PACRG: variants seen among roughly 807,000 people sequenced by gnomAD.
PACRG encodes the protein parkin coregulated.
A neutral mutation model predicts 29.7 loss-of-function variants in PACRG; 29 were observed. That is an observed-to-expected ratio of 0.98 (90% confidence interval 0.73 to 1.33). The LOEUF is 1.33. Ranked by LOEUF, PACRG falls within the 40% of genes most tolerant of loss-of-function variation. The probability of loss-of-function intolerance (pLI) is 0.00; values close to 1 mark genes in which losing one functional copy is unlikely to be tolerated. For missense variants in PACRG, 279 were observed against 316.2 expected, an observed-to-expected ratio of 0.88 and a Z score of 0.89; for synonymous variants, 116 against 118.7, an observed-to-expected ratio of 0.98 and a Z score of 0.15.
At chr6:162,864,354 A>G (rs1256187629) in intron 2 of PACRG, among the ~76,000 whole-genome samples, 2 of 152,172 alleles carry the variant, frequency 1.3e-5, no homozygotes, top group Non-Finnish European at 2.9e-5. Flanking sequence ...TAACTCTAGG[A>G]TAAACAAATA....
At chr6:162,967,509 CTTT>C (rs796970466) in intron 2 of PACRG, among the ~76,000 whole-genome samples, 1 of 143,070 alleles carries the variant, frequency 7.0e-6, no homozygotes. Flanking sequence ...TGAACTTTCT[CTTT>C]TTTTTTTTTT....
At chr6:163,048,860 A>G (rs1809686901) in intron 2 of PACRG, among the ~76,000 whole-genome samples, 1 of 152,164 alleles carries the variant, frequency 6.6e-6, no homozygotes, top group African/African-American at 2.4e-5. Context: ...CATGTATGAC[A>G]TAGACATAGA....
intron 4 of PACRG, among the ~76,000 whole-genome samples, chr6:163,195,388 G>T (rs1340500759): frequency 6.6e-6 from 1 of 152,118 alleles, no homozygotes; most frequent in Non-Finnish European, 1.5e-5. Context: ...ACACTTCCAA[G>T]ACTATCTCCT....
chr6:162,968,833 G>A (rs1801270549), intron 2 of PACRG, among the ~76,000 whole-genome samples: 1 of 152,066 alleles, frequency 6.6e-6, no homozygotes, highest in Non-Finnish European at 1.5e-5. Context: ...TGGATCACAA[G>A]GTCAGGAGTA....
At chr6:163,009,713 C>T (rs544482881) in intron 2 of PACRG, among the ~76,000 whole-genome samples, 16 of 152,218 alleles carry the variant, frequency 1.1e-4, no homozygotes, top group South Asian at 1.0e-3. Context: ...CATATTCTAT[C>T]GGTGATTAAC....
chr6:163,096,742 G>C (rs752150281), intron 4 of PACRG, among the ~76,000 whole-genome samples: 1 of 152,162 alleles, frequency 6.6e-6, no homozygotes, highest in Non-Finnish European at 1.5e-5. Flanking sequence ...AGCGTGTTAG[G>C]TAAATGTCTC....
At chr6:163,172,033 T>C (rs1193309325) in intron 4 of PACRG, among the ~76,000 whole-genome samples, 1 of 152,246 alleles carries the variant, frequency 6.6e-6, no homozygotes, top group Non-Finnish European at 1.5e-5. Flanking sequence ...ACCTGGGGTC[T>C]GGCCCCGTAA....
chr6:163,085,109 C>A (rs1285214796), intron 3 of PACRG, among the ~76,000 whole-genome samples: 1 of 152,032 alleles, frequency 6.6e-6, no homozygotes, highest in Non-Finnish European at 1.5e-5. Context: ...ATAGGCTCTC[C>A]TACTTATGAC....
At chr6:162,975,045 A>G (rs1379981842) in intron 2 of PACRG, among the ~76,000 whole-genome samples, 1 of 152,162 alleles carries the variant, frequency 6.6e-6, no homozygotes, top group Non-Finnish European at 1.5e-5. Context: ...TATGGAAAAT[A>G]TGTGAATGTG....
intron 2 of PACRG, among the ~76,000 whole-genome samples, chr6:163,033,119 C>T (rs1807824106): frequency 6.6e-6 from 1 of 152,166 alleles, no homozygotes; most frequent in South Asian, 2.1e-4. Context: ...TAATCTTTTA[C>T]CAAAAACACA....
At chr6:162,876,327 C>T (rs1029134528) in intron 2 of PACRG, among the ~76,000 whole-genome samples, 12 of 152,216 alleles carry the variant, frequency 7.9e-5, no homozygotes, top group Non-Finnish European at 1.6e-4. Context: ...TTCCTGCTGT[C>T]CTCTAATAAT....
chr6:162,864,975 G>A lies in PACRG; in HGVS notation c.291+50694G>A, dbSNP rs567580476. On this transcript the variant is annotated intron_variant, in intron 2 of 4. Coordinates refer to ENST00000366888, the MANE Select transcript of PACRG (RefSeq NM_001080379.2). ...AAAGAATCCAGTAGAAATGCCTTTA[G>A]ACTTACATAGTGATTGTTAGGAGAA... 9.9e-5 allele frequency among the ~76,000 whole-genome samples: 15 copies of A among 152,266 alleles called. 1 individual carries two copies. In the South Asian group the frequency reaches 2.5e-3, roughly 25 times the overall value.
At chr6:163,278,603 C>T (rs545736962) in intron 4 of PACRG, among the ~76,000 whole-genome samples, 2 of 152,134 alleles carry the variant, frequency 1.3e-5, no homozygotes, top group South Asian at 2.1e-4. Context: ...CCTTTCCCCA[C>T]TTTAAGTTTT....
intron 4 of PACRG, among the ~76,000 whole-genome samples, chr6:163,270,837 C>T (rs1223538766): frequency 6.6e-6 from 1 of 152,196 alleles, no homozygotes; most frequent in African/African-American, 2.4e-5. Context: ...GATTTCCCTA[C>T]ATCTTCTCCA....
At position 163,078,366 on chromosome 6, in the gene PACRG, G is replaced by A. The variant is rs535153395; in HGVS notation, c.464-10893G>A. Among the ~76,000 whole-genome samples the A allele has an allele frequency of 2.6e-5, 4 of 152,244 alleles. No individual in the cohort carries two copies. In the South Asian group the frequency reaches 8.3e-4, roughly 32 times the overall value. ...AAGGATACAAAAATTAGCCAGGCAT[G>A]GTGGCGGGTGCCTGTAATCCCAGCT... On this transcript the variant is annotated intron_variant, in intron 3 of 4. Transcript: ENST00000366888.
intron 4 of PACRG, among the ~76,000 whole-genome samples, chr6:163,230,067 CA>C (rs763024073): frequency 1.4e-4 from 21 of 152,214 alleles, no homozygotes; most frequent in Non-Finnish European, 2.8e-4. Context: ...TATTTACTTC[CA>C]AGTGGCCATC....
intron 4 of PACRG, among the ~76,000 whole-genome samples, chr6:163,207,158 C>T (rs1780938015): frequency 6.6e-6 from 1 of 152,210 alleles, no homozygotes; most frequent in South Asian, 2.1e-4. Context: ...GCAGAACACA[C>T]ATTTGTTTTT....
At chr6:162,869,116 G>C (rs1792579607) in intron 2 of PACRG, among the ~76,000 whole-genome samples, 1 of 152,142 alleles carries the variant, frequency 6.6e-6, no homozygotes, top group African/African-American at 2.4e-5. Flanking sequence ...ATTTGCTGGG[G>C]TTTGCCACTG....
intron 4 of PACRG, among the ~76,000 whole-genome samples, chr6:163,193,884 T>A (rs2128362848): frequency 7.3e-6 from 1 of 137,868 alleles, no homozygotes; most frequent in East Asian, 2.2e-4. Context: ...CTGTTTCTTT[T>A]TGTTTCTTTT....
Sources: allele counts gnomAD v4.1 joint callset (sites outside exome capture counted in the v4.1 genomes callset), GRCh38; gene constraint gnomAD v4.1.1; transcripts MANE v1.5; gene names NCBI Gene and HGNC (gene_info 2026-07-23, HGNC 2026-07-21).